The following LUZP2 variants were observed in gnomAD, a reference collection of about 807,000 sequenced individuals.
LUZP2 encodes the protein leucine zipper protein 2.
LUZP2 carries 52 observed loss-of-function variants against 51.6 expected under a neutral mutation model. The ratio of observed to expected loss-of-function variants is 1.01; its 90% confidence interval spans 0.81 to 1.27. The LOEUF is 1.27. Among genes scored for constraint, LUZP2 ranks in the 50% most tolerant of loss-of-function variants. The probability of loss-of-function intolerance (pLI) is 0.00; values close to 1 mark genes in which losing one functional copy is unlikely to be tolerated. For synonymous variants in LUZP2, 154 were observed against 137.3 expected (o/e 1.12, Z -0.85); for missense variants, 436 against 395.4 (o/e 1.10, Z -0.87).
chr11:24,626,033 A>G (rs1179108930), intron 1 of LUZP2, among the ~76,000 whole-genome samples: 1 of 152,148 alleles, frequency 6.6e-6, no homozygotes, highest in Non-Finnish European at 1.5e-5. Flanking sequence ...TTAACCTTAA[A>G]TAATTTACTT....
intron 5 of LUZP2, among the ~76,000 whole-genome samples, chr11:24,875,400 A>G (rs1470825778): frequency 3.4e-5 from 5 of 146,180 alleles, no homozygotes; most frequent in African/African-American, 5.1e-5. Flanking sequence ...ATGATTTCCA[A>G]TTTCATCCAT....
chr11:24,572,244 A>T (rs1852467697), intron 1 of LUZP2, among the ~76,000 whole-genome samples: 1 of 151,938 alleles, frequency 6.6e-6, no homozygotes, highest in East Asian at 1.9e-4. Flanking sequence ...AACACTGTAA[A>T]AATTTATTTT....
At chr11:24,584,789 G>A (rs1292665348) in intron 1 of LUZP2, among the ~76,000 whole-genome samples, 3 of 152,074 alleles carry the variant, frequency 2.0e-5, no homozygotes, top group African/African-American at 7.2e-5. Flanking sequence ...AAAATTTAGA[G>A]AATTCAAAAC....
intron 3 of LUZP2, among the ~76,000 whole-genome samples, chr11:24,735,314 T>C (rs1223482573): frequency 6.6e-6 from 1 of 151,840 alleles, no homozygotes; most frequent in Non-Finnish European, 1.5e-5. Flanking sequence ...CCCAGGTGAA[T>C]GGAGAGATTT....
chr11:24,821,629 C>G (rs781449418), intron 5 of LUZP2, among the ~76,000 whole-genome samples: 10 of 152,068 alleles, frequency 6.6e-5, no homozygotes, highest in Non-Finnish European at 1.5e-4. Flanking sequence ...TGATTTCTGT[C>G]TTCTGTCAGT....
chr11:24,640,399 T>C (rs1290839161), intron 1 of LUZP2, among the ~76,000 whole-genome samples: 1 of 151,864 alleles, frequency 6.6e-6, no homozygotes, highest in Non-Finnish European at 1.5e-5. Context: ...AGGACCTCTG[T>C]CCCAAGAGAA....
At chr11:24,562,196 T>C (rs141379580) in intron 1 of LUZP2, among the ~76,000 whole-genome samples, 6 of 152,002 alleles carry the variant, frequency 3.9e-5, no homozygotes, top group African/African-American at 1.4e-4. Context: ...AAAAAATAAA[T>C]ATTTTCTTGT....
intron 1 of LUZP2, among the ~76,000 whole-genome samples, chr11:24,692,704 G>C (rs1330526721): frequency 6.6e-6 from 1 of 151,862 alleles, no homozygotes; most frequent in Non-Finnish European, 1.5e-5. Context: ...GCTATATATT[G>C]AGAAAAAAAT....
At chr11:24,751,557 A>G in intron 4 of LUZP2, 2 of 975,800 alleles carry the variant, frequency 2.0e-6, no homozygotes, top group Non-Finnish European at 2.4e-6. Flanking sequence ...GGAAGGGTGG[A>G]GTCGTAGTAC....
chr11:24,875,922 T>A (rs1852245296), intron 5 of LUZP2, among the ~76,000 whole-genome samples: 2 of 151,258 alleles, frequency 1.3e-5, no homozygotes, highest in Admixed American at 1.3e-4. Context: ...TGTCTGTTCA[T>A]GTCCTTTGCC....
At chr11:24,645,944 A>C (rs1855448367) in intron 1 of LUZP2, among the ~76,000 whole-genome samples, 1 of 152,046 alleles carries the variant, frequency 6.6e-6, no homozygotes, top group South Asian at 2.1e-4. Context: ...CATTCATTTT[A>C]GGAACTGAAG....
intron 7 of LUZP2, among the ~76,000 whole-genome samples, chr11:24,936,565 T>C (rs912749984): frequency 6.6e-6 from 1 of 151,958 alleles, no homozygotes; most frequent in Non-Finnish European, 1.5e-5. Flanking sequence ...TATACAATAA[T>C]GACTGTTGGA....
intron 10 of LUZP2, among the ~76,000 whole-genome samples, chr11:25,065,134 G>T (rs1858962429): frequency 6.6e-6 from 1 of 151,928 alleles, no homozygotes; most frequent in Non-Finnish European, 1.5e-5. Context: ...TAAACTATGG[G>T]AAAGCTGCTT....
At chr11:24,771,126 C>T (rs1313979749) in intron 5 of LUZP2, among the ~76,000 whole-genome samples, 3 of 152,082 alleles carry the variant, frequency 2.0e-5, no homozygotes, top group African/African-American at 7.2e-5. Flanking sequence ...TTTTATTTGT[C>T]TGCTTTAATT....
chr11:25,020,389 C>T lies in LUZP2; in HGVS notation c.766-29649C>T, dbSNP rs1034892849. Among the ~76,000 whole-genome samples, 18 of 152,066 alleles carry T rather than the reference C, an allele frequency of 1.2e-4. 1 individual carries two copies. Among genetic ancestry groups the T allele is most frequent in the Non-Finnish European group, 2.1e-4 (14 of 68,008 alleles). ...TTTACCCTATTGTCTTCCAGAAAAG[C>T]CAGCTACAACCTAGCCTATTTTGTG... is the stretch of plus-strand genomic sequence containing the variant. On this transcript the variant is annotated intron_variant, in intron 9 of 11. Coordinates refer to ENST00000336930, the MANE Select transcript of LUZP2 (RefSeq NM_001009909.4).
chr11:24,746,643 G>C (rs545207471), intron 4 of LUZP2, among the ~76,000 whole-genome samples: 1 of 152,086 alleles, frequency 6.6e-6, no homozygotes, highest in African/African-American at 2.4e-5. Flanking sequence ...CCCCAAATAG[G>C]TTTTCCAAAC....
chr11:24,676,946 C>T (rs1296401341), intron 1 of LUZP2, among the ~76,000 whole-genome samples: 2 of 152,054 alleles, frequency 1.3e-5, no homozygotes, highest in Admixed American at 1.3e-4. Flanking sequence ...GAATTACAGG[C>T]GTGAGCCACC....
chr11:24,944,026 A>G (rs574177590), intron 7 of LUZP2, among the ~76,000 whole-genome samples: 2 of 152,216 alleles, frequency 1.3e-5, no homozygotes, highest in Non-Finnish European at 2.9e-5. Context: ...TTAAATGTAC[A>G]TAGCCAGGCA....
chr11:24,799,068 T>C (rs1055084802), intron 5 of LUZP2, among the ~76,000 whole-genome samples: 2 of 152,182 alleles, frequency 1.3e-5, no homozygotes, highest in Non-Finnish European at 2.9e-5. Context: ...AGAAGCACTG[T>C]GTCTCACTGT....
Sources: allele counts gnomAD v4.1 joint callset (sites outside exome capture counted in the v4.1 genomes callset), GRCh38; gene constraint gnomAD v4.1.1; transcripts MANE v1.5; gene names NCBI Gene and HGNC (gene_info 2026-07-23, HGNC 2026-07-21).